The following USP6NL variants were observed in gnomAD, a reference collection of about 807,000 sequenced individuals.
USP6NL encodes USP6 N-terminal-like protein.
Under a neutral mutation model 61.9 loss-of-function variants are expected in USP6NL, and 26 were observed. The ratio of observed to expected loss-of-function variants is 0.42; its 90% CI spans 0.31 to 0.58. USP6NL has a LOEUF of 0.58. Ranked by LOEUF, USP6NL falls within the 20% of genes least tolerant of loss-of-function variation. USP6NL has a pLI of 0.16. For missense variants in USP6NL, 1,114 were observed against 1,034.3 expected, an observed-to-expected ratio of 1.08 and a Z score of -1.06; for synonymous variants, 432 against 390.1, an observed-to-expected ratio of 1.11 and a Z score of -1.27.
At chr10:11,484,625 C>G (rs1833381072) in intron 13 of USP6NL, among the ~76,000 whole-genome samples, 1 of 152,154 alleles carries the variant, frequency 6.6e-6, no homozygotes, top group Admixed American at 6.5e-5. Flanking sequence ...TTACTGCAAA[C>G]TTGAGATTCA....
Position 11,478,339 on chromosome 10 carries a change from T to C in USP6NL, c.1078+3431A>G, listed in dbSNP as rs1178837211. On this transcript the variant is annotated intron_variant, in intron 14 of 14. Transcript: ENST00000609104. The surrounding 1 kb of genome is among the most constrained non-coding windows in gnomAD (Gnocchi z 6.8). ...CAGTGACCACCTGCTGACAGCCACGTTTCATATGGTACACGAGTGGGGGAT... is the reference window on the plus strand; with the variant it reads ...CAGTGACCACCTGCTGACAGCCACGCTTCATATGGTACACGAGTGGGGGAT... Among the ~76,000 whole-genome samples the C allele has an allele frequency of 1.3e-5, 2 of 152,152 alleles. No homozygotes were observed. The highest frequency in any genetic ancestry group is 2.9e-5 in the Non-Finnish European group (2 of 68,034).
chr10:11,535,513 T>G (rs1835796519), intron 2 of USP6NL, among the ~76,000 whole-genome samples: 2 of 152,084 alleles, frequency 1.3e-5, no homozygotes, highest in Admixed American at 6.6e-5. Flanking sequence ...CAGGGAAAAG[T>G]AGCTGGTACA....
rs752531782 is a variant in USP6NL at position 11,490,797 on chromosome 10, A to G, written c.543+35T>C. On this transcript the variant is annotated intron_variant, in intron 9 of 14. Transcript: ENST00000609104. This position sits in a 1 kb window ranked among gnomAD's most constrained non-coding sequence, Gnocchi z 4.5. ...TAAGTAGGGAGTACCTCAGAATACA[A>G]CTCAAAGACCTTGGGCAGGCAGGCC... 1.3e-6 allele frequency: 2 copies of G among 1,544,668 alleles called. No homozygotes were observed. The highest frequency in any genetic ancestry group is 1.2e-5 in the South Asian group (1 of 82,308).
At position 11,577,548 on chromosome 10, in the gene USP6NL, C is replaced by T. The variant is rs1464582417; in HGVS notation, c.4+20083G>A. Among the ~76,000 whole-genome samples, 4 of 151,574 alleles carry T rather than the reference C, an allele frequency of 2.6e-5. No homozygotes were observed. The East Asian group carries it at 5.9e-4, about 22-fold the overall frequency. On this transcript the variant is annotated intron_variant, in intron 2 of 14. Transcript: ENST00000609104. ...CAGAGTCTCGCTCTGTCAGCCAAGC[C>T]GGAGTGCAATGGCGCAATCTCGGCT...
Position 11,463,259 on chromosome 10 carries a change from G to C in USP6NL, c.1669C>G (p.Pro557Ala), listed in dbSNP as rs769968704. The change falls in exon 15 of 15, where the codon CCG becomes GCG. Residue 557 changes from proline (P) to alanine (A), a missense_variant. By Grantham distance (27) the Pro-to-Ala change is conservative. Coordinates refer to ENST00000609104, the MANE Select transcript of USP6NL (RefSeq NM_014688.5). The surrounding 1 kb of genome is among the most constrained non-coding windows in gnomAD (Gnocchi z 6.3). ...TASQYDNVPG[P>A]ELDSGASVEE... The stretch of plus-strand genomic sequence containing the variant: ...ACGGAAGCGCCGCTGTCCAGCTCCG[G>C]GCCTGGCACGTTGTCGTACTGCGAT... The C allele has an allele frequency of 1.2e-6, 2 of 1,613,708 alleles. No homozygotes were observed. Among genetic ancestry groups the C allele is most frequent in the East Asian group, 4.5e-5 (2 of 44,876 alleles).
chr10:11,528,124 C>CAG lies in USP6NL; in HGVS notation c.5-558_5-557insCT, dbSNP rs1421513146. Among the ~76,000 whole-genome samples the CAG allele has an allele frequency of 1.4e-3, 209 of 144,526 alleles. No individual in the cohort carries two copies. The highest frequency in any genetic ancestry group is 4.8e-3 in the African/African-American group (188 of 39,134). The allele number at this position is 144,526 out of a possible 152,430, so 94.8% of individuals were successfully genotyped here. A position where few individuals can be genotyped will look rare whatever the true frequency, so the allele number is the denominator to read the frequency against. Reference sequence around the variant, plus strand: ...TCATACATATGTGTGTGGACACACACACAGACACACACACACACACACACA... The same window carrying CAG: ...TCATACATATGTGTGTGGACACACACAGACAGACACACACACACACACACACA... On this transcript the variant is annotated intron_variant, in intron 2 of 14. Transcript: ENST00000609104. This position sits in a 1 kb window ranked among gnomAD's most constrained non-coding sequence, Gnocchi z 4.6.
Position 11,525,883 on chromosome 10 carries a change from A to C in USP6NL, c.73-415T>G, listed in dbSNP as rs541481640. Among the ~76,000 whole-genome samples the C allele has an allele frequency of 1.3e-5, 2 of 152,330 alleles. No homozygotes were observed. Among genetic ancestry groups the C allele is most frequent in the Non-Finnish European group, 2.9e-5 (2 of 68,026 alleles). On this transcript the variant is annotated intron_variant, in intron 3 of 14. Transcript: ENST00000609104. This position sits in a 1 kb window ranked among gnomAD's most constrained non-coding sequence, Gnocchi z 5.0. Reference sequence around the variant, plus strand: ...GCCTTTTTATGCAAACTCCTTAGAGAAGCAGGCAGAGAAGCTCCTCGTCTA... The same window carrying C: ...GCCTTTTTATGCAAACTCCTTAGAGCAGCAGGCAGAGAAGCTCCTCGTCTA...
chr10:11,535,840 G>A (rs575556277), intron 2 of USP6NL, among the ~76,000 whole-genome samples: 8 of 152,198 alleles, frequency 5.3e-5, no homozygotes, highest in African/African-American at 1.2e-4. Flanking sequence ...CTTAGTAAAC[G>A]TATTTGTGAT....
At position 11,481,662 on chromosome 10, in the gene USP6NL, T is replaced by C. The variant is rs553222896; in HGVS notation, c.1078+108A>G. On this transcript the variant is annotated intron_variant, in intron 14 of 14. Transcript: ENST00000609104. The surrounding 1 kb of genome is among the most constrained non-coding windows in gnomAD (Gnocchi z 4.4). Reference sequence around the variant, plus strand: ...TAAGGCATTCATCCACATTATGTCATCACAAGTATAATGCTTACGCTGTGG... The same window carrying C: ...TAAGGCATTCATCCACATTATGTCACCACAAGTATAATGCTTACGCTGTGG... 9.1e-6 allele frequency: 11 copies of C among 1,205,426 alleles called. No individual in the cohort carries two copies. In the South Asian group the frequency reaches 2.5e-4, roughly 27 times the overall value. The allele number at this position is 1,205,426 out of a possible 1,614,324, so 74.7% of individuals were successfully genotyped here. A position where few individuals can be genotyped will look rare whatever the true frequency, so the allele number is the denominator to read the frequency against.
chr10:11,509,748 A>G (rs1014765221), intron 5 of USP6NL, 73 bp from the exon 6 acceptor site: 13 of 1,262,810 alleles, frequency 1.0e-5, no homozygotes, highest in African/African-American at 1.5e-5. Flanking sequence ...ACTTCAAAGA[A>G]AATGCTTCTA....
At chr10:11,556,648 G>A (rs929914666) in intron 2 of USP6NL, among the ~76,000 whole-genome samples, 3 of 152,050 alleles carry the variant, frequency 2.0e-5, no homozygotes, top group Non-Finnish European at 2.9e-5. Context: ...GGACAAAGCC[G>A]ACTTAGGCAA....
At position 11,587,051 on chromosome 10, in the gene USP6NL, A is replaced by C. The variant is rs1006969007; in HGVS notation, c.4+10580T>G. ...TCCCTGGATGTCCCTTTTGGTACTA[A>C]GACCGTACTACTGGCTCAATGTCTG... On this transcript the variant is annotated intron_variant, in intron 2 of 14. Transcript: ENST00000609104. The surrounding 1 kb of genome is among the most constrained non-coding windows in gnomAD (Gnocchi z 4.5). Among the ~76,000 whole-genome samples the C allele has an allele frequency of 4.6e-5, 7 of 152,136 alleles. No homozygotes were observed. The highest frequency in any genetic ancestry group is 4.6e-4 in the Admixed American group (7 of 15,282).
At chr10:11,559,207 T>G (rs1039513436) in intron 2 of USP6NL, among the ~76,000 whole-genome samples, 1 of 152,194 alleles carries the variant, frequency 6.6e-6, no homozygotes, top group African/African-American at 2.4e-5. Flanking sequence ...TTGGGGAGGT[T>G]CTGAAGATTA....
At chr10:11,579,968 G>A (rs1053388132) in intron 2 of USP6NL, among the ~76,000 whole-genome samples, 1 of 147,352 alleles carries the variant, frequency 6.8e-6, no homozygotes, top group Non-Finnish European at 1.5e-5. Context: ...AGTGGCGGGG[G>A]GGGGGCAGCA....
At position 11,463,561 on chromosome 10, in the gene USP6NL, C is replaced by A; in HGVS notation, c.1367G>T (p.Gly456Val). 1 of 1,614,020 alleles carries A rather than the reference C, an allele frequency of 6.2e-7. No homozygotes were observed. Among genetic ancestry groups the A allele is most frequent in the Non-Finnish European group, 8.5e-7 (1 of 1,179,892 alleles). ...ATATTGCCTGGAACTGTCCTGTGGA[C>A]CCGATGGGAGTTTTCTTTGAAAATC... ...EADFQRKLPS[G>V]PQDSSRQYNH... Residue 456 changes from glycine to valine, a missense_variant, in exon 15 of 15, where the codon GGT (glycine) becomes GTT (valine). Transcript: ENST00000609104. This position sits in a 1 kb window ranked among gnomAD's most constrained non-coding sequence, Gnocchi z 6.3.
Position 11,520,499 on chromosome 10 carries a change from A to G in USP6NL, c.156-1925T>C, listed in dbSNP as rs535514823. Among the ~76,000 whole-genome samples, 2 of 152,340 alleles carry G rather than the reference A, an allele frequency of 1.3e-5. No individual in the cohort carries two copies. The highest frequency in any genetic ancestry group is 4.8e-5 in the African/African-American group (2 of 41,590). ...CTCCCTGTAATGCCCAGAATACGTA[A>G]GTTGGCATGCTGGAAGAGCTCAGTA... On this transcript the variant is annotated intron_variant, in intron 4 of 14. Coordinates refer to ENST00000609104, the MANE Select transcript of USP6NL (RefSeq NM_014688.5). This position sits in a 1 kb window ranked among gnomAD's most constrained non-coding sequence, Gnocchi z 5.2.
At chr10:11,555,445 T>G (rs1401693439) in intron 2 of USP6NL, among the ~76,000 whole-genome samples, 1 of 74,880 alleles carries the variant, frequency 1.3e-5, no homozygotes, top group African/African-American at 6.0e-5. Flanking sequence ...TATATATATA[T>G]ATATATAGAG....
chr10:11,477,033 C>T (rs565199400), intron 14 of USP6NL, among the ~76,000 whole-genome samples: 8 of 152,178 alleles, frequency 5.3e-5, no homozygotes, highest in Admixed American at 2.6e-4. Context: ...CACCACGCCC[C>T]GCTGATTTTT....
chr10:11,471,212 C>A (rs1253241407), intron 14 of USP6NL, among the ~76,000 whole-genome samples: 2 of 151,848 alleles, frequency 1.3e-5, no homozygotes, highest in African/African-American at 2.4e-5. Context: ...AAAAAAAACA[C>A]CACCAACAAC....
Sources: gnomAD v4.1 joint callset for allele counts (sites outside exome capture counted in the v4.1 genomes callset) on GRCh38, gnomAD v4.1.1 for gene constraint, Gnocchi (gnomAD v3.1) non-coding constraint, MANE v1.5 for transcripts, NCBI Gene and HGNC (gene_info 2026-07-23, HGNC 2026-07-21) for gene names.